Variants in PELI2 observed in about 807,000 individuals in gnomAD.
PELI2 encodes the protein E3 ubiquitin-protein ligase pellino homolog 2.
A neutral mutation model predicts 42.3 loss-of-function variants in PELI2; 23 were observed. The observed-to-expected ratio is 0.54, with a 90% CI of 0.39 to 0.77. The LOEUF (loss-of-function observed/expected upper bound fraction) is 0.77. PELI2 is among the 30% of genes least tolerant of loss of function. The pLI is 0.00. For missense variants in PELI2, 463 were observed against 553.2 expected (o/e 0.84, Z 1.64); for synonymous variants, 245 against 212.2 (o/e 1.15, Z -1.34).
intron 2 of PELI2, among the ~76,000 whole-genome samples, chr14:56,265,884 C>T (rs1888886104): frequency 6.6e-6 from 1 of 151,980 alleles, no homozygotes; most frequent in South Asian, 2.1e-4. Context: ...AGATTAAAAC[C>T]ACAATGAGAT....
chr14:56,127,861 C>G (rs1883333403), intron 1 of PELI2, among the ~76,000 whole-genome samples: 1 of 152,106 alleles, frequency 6.6e-6, no homozygotes, highest in East Asian at 1.9e-4. Flanking sequence ...AATTGATCAA[C>G]TGAGTGTAAA....
intron 2 of PELI2, among the ~76,000 whole-genome samples, chr14:56,185,177 C>A (rs572536089): frequency 4.7e-4 from 72 of 152,142 alleles, no homozygotes; most frequent in Admixed American, 9.8e-4. Flanking sequence ...AGTTTTAGAT[C>A]AAGAATTGGC....
chr14:56,286,739 TG>T (rs1189246891), intron 3 of PELI2, among the ~76,000 whole-genome samples: 1 of 151,984 alleles, frequency 6.6e-6, no homozygotes. Context: ...GTTTTTTTGT[TG>T]TTTTTTTTGT....
chr14:56,259,707 T>C (rs1338481767), intron 2 of PELI2, among the ~76,000 whole-genome samples: 2 of 152,146 alleles, frequency 1.3e-5, no homozygotes, highest in African/African-American at 4.8e-5. Context: ...TTCACAACAG[T>C]ATGATTATGC....
chr14:56,221,681 C>T (rs533666545), intron 2 of PELI2, among the ~76,000 whole-genome samples: 3 of 151,288 alleles, frequency 2.0e-5, no homozygotes, highest in Admixed American at 6.6e-5. Context: ...ATTGTACTTA[C>T]GGAAACCTTC....
chr14:56,294,263 A>T (rs1889928319), intron 5 of PELI2, among the ~76,000 whole-genome samples: 2 of 152,218 alleles, frequency 1.3e-5, no homozygotes, highest in Non-Finnish European at 2.9e-5. Context: ...TTTGCCAACC[A>T]GGGCTCAGCT....
At position 56,299,600 on chromosome 14, in the gene PELI2, A is replaced by G. The variant is rs1282014774; in HGVS notation, c.*2434A>G. On this transcript the variant is annotated 3_prime_UTR_variant, in exon 6 of 6. Transcript: ENST00000267460. ...GTAGGAAGATCCCTTTACAATTTTGACTAAGGAGATTTTTTTTTTCACAGT... is the reference window on the plus strand; with the variant it reads ...GTAGGAAGATCCCTTTACAATTTTGGCTAAGGAGATTTTTTTTTTCACAGT... The G allele has an allele frequency of 6.6e-6, 1 of 152,124 alleles. No individual in the cohort carries two copies. Among genetic ancestry groups the G allele is most frequent in the East Asian group, 1.9e-4 (1 of 5,190 alleles). 9.4% of individuals were successfully genotyped at this position (152,124 alleles called of 1,614,324 possible).
intron 2 of PELI2, among the ~76,000 whole-genome samples, chr14:56,196,193 ACTCCCCACCC>A (rs1039696632): frequency 7.2e-5 from 11 of 151,990 alleles, no homozygotes; most frequent in African/African-American, 2.7e-4. Flanking sequence ...CCTAGGAGTA[ACTCCCCACCC>A]CTCCTTAAAA....
chr14:56,242,415 A>C (rs940235847), intron 2 of PELI2, among the ~76,000 whole-genome samples: 1 of 152,200 alleles, frequency 6.6e-6, no homozygotes, highest in Non-Finnish European at 1.5e-5. Flanking sequence ...AAGTCTCATC[A>C]TGTAAAATAG....
At chr14:56,174,233 A>G (rs1885287490) in intron 1 of PELI2, among the ~76,000 whole-genome samples, 3 of 152,086 alleles carry the variant, frequency 2.0e-5, no homozygotes, top group South Asian at 2.1e-4. Flanking sequence ...CCACCATTCA[A>G]TCCACTGTAC....
intron 2 of PELI2, among the ~76,000 whole-genome samples, chr14:56,225,312 T>C (rs1887305451): frequency 1.3e-5 from 2 of 152,086 alleles, no homozygotes; most frequent in African/African-American, 4.8e-5. Flanking sequence ...TCCAGGAAGA[T>C]TCCTGAGGTA....
chr14:56,207,307 T>A (rs1356293151), intron 2 of PELI2, among the ~76,000 whole-genome samples: 1 of 152,242 alleles, frequency 6.6e-6, no homozygotes, highest in Non-Finnish European at 1.5e-5. Context: ...TTGACTGCTG[T>A]GTTCTAGTCA....
chr14:56,249,916 T>G (rs536147870), intron 2 of PELI2, among the ~76,000 whole-genome samples: 4 of 152,166 alleles, frequency 2.6e-5, no homozygotes, highest in African/African-American at 9.6e-5. Context: ...GGGAGAGCAT[T>G]TTTGGGAGAT....
At chr14:56,201,549 T>C (rs1448320562) in intron 2 of PELI2, among the ~76,000 whole-genome samples, 1 of 152,224 alleles carries the variant, frequency 6.6e-6, no homozygotes, top group Non-Finnish European at 1.5e-5. Flanking sequence ...CACATAGATG[T>C]TATTTTTGAG....
intron 2 of PELI2, among the ~76,000 whole-genome samples, chr14:56,192,989 A>G (rs986916537): frequency 1.3e-5 from 2 of 152,220 alleles, no homozygotes; most frequent in African/African-American, 4.8e-5. Flanking sequence ...ATCCTCTGGC[A>G]GGCAGTGTGG....
intron 1 of PELI2, among the ~76,000 whole-genome samples, chr14:56,147,962 T>C (rs1296353312): frequency 2.0e-5 from 3 of 152,222 alleles, no homozygotes; most frequent in East Asian, 3.8e-4. Context: ...TCAGTTTAGG[T>C]TTGGTGCTTT....
intron 3 of PELI2, among the ~76,000 whole-genome samples, chr14:56,281,470 C>T (rs1889479258): frequency 1.3e-5 from 2 of 152,060 alleles, no homozygotes; most frequent in African/African-American, 4.8e-5. Context: ...TGCACCAGCT[C>T]TTTTTCCATT....
chr14:56,214,101 C>T (rs1035806995), intron 2 of PELI2, among the ~76,000 whole-genome samples: 5 of 152,204 alleles, frequency 3.3e-5, no homozygotes, highest in African/African-American at 1.2e-4. Context: ...GATCCGCCCA[C>T]CTTGGCCTCC....
chr14:56,267,843 ATGT>A lies in PELI2; in HGVS notation c.208-11829_208-11827del, dbSNP rs1348674166. Among the ~76,000 whole-genome samples the A allele has an allele frequency of 4.6e-5, 7 of 152,244 alleles. No individual in the cohort carries two copies. In the East Asian group the frequency reaches 1.3e-3, roughly 29 times the overall value. ...TCTATCACTATAACTAATCAATAGG[ATGT>A]TGTATTTTGTTTTCTTTGGAGCTTA... On this transcript the variant is annotated intron_variant, in intron 2 of 5. Coordinates refer to ENST00000267460, the MANE Select transcript of PELI2 (RefSeq NM_021255.3).
Sources: allele counts gnomAD v4.1 joint callset (sites outside exome capture counted in the v4.1 genomes callset), GRCh38; gene constraint gnomAD v4.1.1; transcripts MANE v1.5; gene names NCBI Gene and HGNC (gene_info 2026-07-23, HGNC 2026-07-21).